Variants in JMJD1C observed in about 807,000 individuals in gnomAD.
JMJD1C encodes jumonji domain containing 1C.
A neutral mutation model predicts 245.3 loss-of-function variants in JMJD1C; 31 were observed. The observed-to-expected ratio is 0.13, with a 90% CI of 0.09 to 0.17. The LOEUF (loss-of-function observed/expected upper bound fraction) is 0.17, where lower values mean the gene tolerates loss of function less well. JMJD1C is among the 10% of genes least tolerant of loss of function. The probability of loss-of-function intolerance (pLI) is 1.00; values close to 1 mark genes in which losing one functional copy is unlikely to be tolerated. For synonymous variants in JMJD1C, 1,057 were observed against 1,017.4 expected (o/e 1.04, Z -0.74); for missense variants, 2,691 against 3,000.2 (o/e 0.90, Z 2.41).
chr10:63,187,457 A>G (rs1283978382), intron 18 of JMJD1C, among the ~76,000 whole-genome samples: 1 of 152,140 alleles, frequency 6.6e-6, no homozygotes, highest in East Asian at 1.9e-4. Flanking sequence ...CTTTTTTTGG[A>G]GACAGGGTTT....
At chr10:63,235,424 G>A (rs141185212) in intron 3 of JMJD1C, among the ~76,000 whole-genome samples, 2,580 of 152,238 alleles carry the variant, frequency 0.017, 84 homozygotes, top group African/African-American at 0.058. Flanking sequence ...TTGAACCCGC[G>A]AGGCAGAGGT....
chr10:63,190,441 A>T (rs1430736272), intron 17 of JMJD1C, among the ~76,000 whole-genome samples: 2 of 152,108 alleles, frequency 1.3e-5, no homozygotes, highest in Non-Finnish European at 2.9e-5. Flanking sequence ...TGACCTCGTG[A>T]TCCAGCCGCC....
intron 3 of JMJD1C, among the ~76,000 whole-genome samples, chr10:63,247,683 G>A (rs1049853710): frequency 1.6e-5 from 2 of 125,140 alleles, no homozygotes; most frequent in African/African-American, 3.1e-5. Flanking sequence ...AGTGAGCCAA[G>A]ACTGAGCCAC....
chr10:63,336,580 A>G (rs546166119), intron 2 of JMJD1C, among the ~76,000 whole-genome samples: 102 of 152,314 alleles, frequency 6.7e-4, no homozygotes, highest in African/African-American at 2.4e-3. Context: ...TTTAAAATCT[A>G]TAGAATAAAT....
intron 1 of JMJD1C, 102 bp from the exon 2 acceptor site, chr10:63,380,584 A>G: frequency 2.5e-6 from 2 of 808,524 alleles, no homozygotes; most frequent in Non-Finnish European, 3.9e-6. Flanking sequence ...GGTACATATG[A>G]TATCGTGATA....
chr10:63,229,435 A>G (rs1433066861), intron 3 of JMJD1C, among the ~76,000 whole-genome samples: 2 of 152,176 alleles, frequency 1.3e-5, no homozygotes, highest in Non-Finnish European at 2.9e-5. Flanking sequence ...AAACAAAAAA[A>G]CAGATTAAGA....
At position 63,465,630 on chromosome 10, in the gene JMJD1C, A is replaced by G. The variant is rs1349617432; in HGVS notation, c.33T>C (p.Gly11=). ...CGACCGCCACACACAGGAACCGCTT[A>G]CCCACCAGCTCTGCCCGCGTCTCTA... is the stretch of plus-strand genomic sequence containing the variant. MAVETRAELV[G]KRFLCVAVGD... is the part of the protein sequence containing the mutation. Residue 11 remains glycine (G), a synonymous_variant, in exon 1 of 26, where the codon GGT becomes GGC. Transcript: ENST00000399262. 6.2e-7 allele frequency: 1 copy of G among 1,609,422 alleles called. No homozygotes were observed. Among genetic ancestry groups the G allele is most frequent in the African/African-American group, 1.3e-5 (1 of 74,968 alleles).
At chr10:63,196,082 G>A (rs1349438080) in intron 13 of JMJD1C, among the ~76,000 whole-genome samples, 1 of 152,004 alleles carries the variant, frequency 6.6e-6, no homozygotes, top group Non-Finnish European at 1.5e-5. Context: ...TGGCCAACTT[G>A]GTAAAACCGT....
chr10:63,228,949 G>C (rs1849640363), intron 3 of JMJD1C, among the ~76,000 whole-genome samples: 1 of 152,052 alleles, frequency 6.6e-6, no homozygotes, highest in African/African-American at 2.4e-5. Context: ...TGCAAGATAA[G>C]ATTTCCTCCA....
At chr10:63,200,105 A>G (rs1845856950) in intron 11 of JMJD1C, among the ~76,000 whole-genome samples, 1 of 152,196 alleles carries the variant, frequency 6.6e-6, no homozygotes, top group Non-Finnish European at 1.5e-5. Flanking sequence ...TTATCCAGCT[A>G]TTCTTTAGTT....
At chr10:63,227,236 G>C (rs1239362553) in intron 3 of JMJD1C, among the ~76,000 whole-genome samples, 1 of 152,108 alleles carries the variant, frequency 6.6e-6, no homozygotes, top group African/African-American at 2.4e-5. Context: ...GCCTAGTTAG[G>C]TTTAATGACA....
intron 1 of JMJD1C, among the ~76,000 whole-genome samples, chr10:63,428,151 A>G (rs17813795): frequency 0.2 from 30,567 of 152,028 alleles, 4,031 homozygotes; most frequent in Non-Finnish European, 0.29. Flanking sequence ...GGAGGGGACT[A>G]AAAAAACAAG....
chr10:63,194,468 T>C (rs1845214516), intron 13 of JMJD1C, 93 bp from the exon 14 acceptor site: 4 of 830,394 alleles, frequency 4.8e-6, no homozygotes, highest in African/African-American at 1.7e-5. Flanking sequence ...AAATGTTTCA[T>C]AGTTGGCTAG....
intron 2 of JMJD1C, among the ~76,000 whole-genome samples, chr10:63,306,718 T>A (rs1938299802): frequency 1.3e-5 from 2 of 152,188 alleles, no homozygotes; most frequent in Non-Finnish European, 2.9e-5. Flanking sequence ...AATATAAAAA[T>A]GTTACATATC....
chr10:63,203,383 T>C (rs1846241378), intron 10 of JMJD1C: 2 of 985,022 alleles, frequency 2.0e-6, no homozygotes, highest in South Asian at 9.4e-5. Context: ...AGTTCTCTAG[T>C]AGCAAATCCA....
chr10:63,334,582 C>G (rs944814322), intron 2 of JMJD1C, among the ~76,000 whole-genome samples: 18 of 152,126 alleles, frequency 1.2e-4, no homozygotes, highest in Non-Finnish European at 2.9e-5. Context: ...ATTAGCCAGG[C>G]GTGGTGGTAT....
At chr10:63,472,731 T>C (rs1369834042) in intron 1 of JMJD1C, among the ~76,000 whole-genome samples, 3 of 152,226 alleles carry the variant, frequency 2.0e-5, no homozygotes, top group African/African-American at 7.2e-5. Context: ...TTAAAAATAC[T>C]CTATGTAGGT....
chr10:63,323,619 C>G (rs976970895), intron 2 of JMJD1C, among the ~76,000 whole-genome samples: 1 of 152,104 alleles, frequency 6.6e-6, no homozygotes, highest in Admixed American at 6.6e-5. Context: ...CTGATAAGAG[C>G]ACAATAAGGC....
chr10:63,253,088 C>T (rs960164474), intron 3 of JMJD1C, among the ~76,000 whole-genome samples: 5 of 152,180 alleles, frequency 3.3e-5, no homozygotes, highest in African/African-American at 1.2e-4. Flanking sequence ...CAGAATAGTA[C>T]ACTTTAATGA....
Sources: gnomAD v4.1 joint callset for allele counts (sites outside exome capture counted in the v4.1 genomes callset) on GRCh38, gnomAD v4.1.1 for gene constraint, MANE v1.5 for transcripts, NCBI Gene and HGNC (gene_info 2026-07-23, HGNC 2026-07-21) for gene names.